The following WDR27 variants were observed in gnomAD, a reference collection of about 807,000 sequenced individuals.
WDR27 encodes the protein WD repeat domain 27.
In WDR27, 100 loss-of-function variants were observed where a neutral mutation model predicts 114.4. The ratio of observed to expected loss-of-function variants is 0.87; its 90% confidence interval spans 0.74 to 1.03. The LOEUF (loss-of-function observed/expected upper bound fraction) is 1.03. Among genes scored for constraint, WDR27 ranks in the 50% least tolerant of loss-of-function variants. The probability of loss-of-function intolerance (pLI) is 0.00; values close to 1 mark genes in which losing one functional copy is unlikely to be tolerated. For synonymous variants in WDR27, 449 were observed against 423.1 expected, an observed-to-expected ratio of 1.06 and a Z score of -0.75; for missense variants, 1,129 against 1,092.9, an observed-to-expected ratio of 1.03 and a Z score of -0.47.
chr6:169,469,515 C>A (rs945581075), intron 25 of WDR27, among the ~76,000 whole-genome samples: 1 of 152,192 alleles, frequency 6.6e-6, no homozygotes, highest in Non-Finnish European at 1.5e-5. Flanking sequence ...TGGTCCCTCC[C>A]AAGGCACTGA....
chr6:169,462,149 C>T (rs931917778), intron 25 of WDR27, among the ~76,000 whole-genome samples: 2 of 151,894 alleles, frequency 1.3e-5, no homozygotes, highest in South Asian at 2.1e-4. Context: ...AAAAAAACTC[C>T]TGATAAAGAA....
At chr6:169,490,377 T>A (rs1789589624) in intron 25 of WDR27, among the ~76,000 whole-genome samples, 1 of 152,218 alleles carries the variant, frequency 6.6e-6, no homozygotes, top group African/African-American at 2.4e-5. Context: ...GGATTGTACA[T>A]GACAAACTAT....
At chr6:169,620,957 C>G (rs915832584) in intron 21 of WDR27, among the ~76,000 whole-genome samples, 2 of 152,190 alleles carry the variant, frequency 1.3e-5, no homozygotes, top group East Asian at 3.9e-4. Flanking sequence ...GTTACCTGGT[C>G]AGCACAGAGC....
At chr6:169,427,820 A>C in the WDR27 span, among the ~76,000 whole-genome samples, 1 of 151,928 alleles carries the variant, frequency 6.6e-6, no homozygotes, top group African/African-American at 2.4e-5. Context: ...AAAAAAAAAA[A>C]AAAAAACCAT....
chr6:169,638,800 C>T (rs1306130558), intron 17 of WDR27, 140 bp from the exon 18 acceptor site: 6 of 1,021,056 alleles, frequency 5.9e-6, no homozygotes, highest in African/African-American at 1.6e-5. Context: ...GAGGCTTCTC[C>T]TCGCCACAGT....
intron 24 of WDR27, among the ~76,000 whole-genome samples, chr6:169,574,805 A>G (rs1005016959): frequency 2.6e-5 from 4 of 152,172 alleles, no homozygotes; most frequent in Admixed American, 2.6e-4. Context: ...ACATCCAGGA[A>G]AGGAGAGCTA....
intron 25 of WDR27, among the ~76,000 whole-genome samples, chr6:169,475,265 A>C (rs573582932): frequency 6.6e-6 from 1 of 152,332 alleles, no homozygotes; most frequent in Admixed American, 6.5e-5. Context: ...TCTTTCACCC[A>C]GGTGGAGTGC....
At chr6:169,444,103 G>A in the WDR27 span, among the ~76,000 whole-genome samples, 1 of 152,106 alleles carries the variant, frequency 6.6e-6, no homozygotes, top group South Asian at 2.1e-4. Context: ...CACGTGTCCA[G>A]ATGGCTTTGC....
intron 25 of WDR27, among the ~76,000 whole-genome samples, chr6:169,500,921 C>T (rs1436464644): frequency 6.6e-6 from 1 of 152,200 alleles, no homozygotes; most frequent in African/African-American, 2.4e-5. Flanking sequence ...TGCTTATGCT[C>T]CCTAGATGTG....
chr6:169,638,734 T>C, intron 17 of WDR27, 74 bp from the exon 18 acceptor site: 1 of 1,511,802 alleles, frequency 6.6e-7, no homozygotes, highest in East Asian at 2.5e-5. Context: ...ACTTATCTGG[T>C]ACTTTCATAC....
At position 169,680,614 on chromosome 6, in the gene WDR27, T is replaced by C. The variant is rs953842385; in HGVS notation, c.189+8203A>G. ...AAAAGAAGATATTTTTCTTATTGTTTAAATATCTTTAAAAGATCCCTGAAT... is the reference window on the plus strand; with the variant it reads ...AAAAGAAGATATTTTTCTTATTGTTCAAATATCTTTAAAAGATCCCTGAAT... On this transcript the variant is annotated intron_variant, in intron 2 of 25. Transcript: ENST00000448612. Among the ~76,000 whole-genome samples the C allele has an allele frequency of 3.3e-5, 5 of 152,216 alleles. No individual in the cohort carries two copies. The East Asian group carries it at 9.6e-4, about 29-fold the overall frequency.
rs1396789826 is a variant in WDR27, at chr6:169,471,316, TC to T, written c.2646-13683del. Reference sequence around the variant, plus strand: ...TGGTTGTTCACAGCCAATCATCATCTCCCACAAGGCCTCAGGTTGGTTCCAA... The same window carrying T: ...TGGTTGTTCACAGCCAATCATCATCTCCACAAGGCCTCAGGTTGGTTCCAA... On this transcript the variant is annotated intron_variant, in intron 25 of 25. Transcript: ENST00000448612. 2.0e-5 allele frequency among the ~76,000 whole-genome samples: 3 copies of T among 152,198 alleles called. No homozygotes were observed. The East Asian group carries it at 5.8e-4, about 30-fold the overall frequency.
chr6:169,483,696 A>AAC (rs1414450982), intron 25 of WDR27, among the ~76,000 whole-genome samples: 23 of 151,212 alleles, frequency 1.5e-4, no homozygotes, highest in Non-Finnish European at 3.1e-4. Flanking sequence ...GGCAAACACA[A>AAC]ACACACACAC....
rs1784406958 is a variant in WDR27, at chr6:169,457,375, T to G, written c.*217A>C. 1 of 422,810 alleles carries G rather than the reference T, an allele frequency of 2.4e-6. No individual in the cohort carries two copies. The highest frequency in any genetic ancestry group is 4.3e-6 in the Non-Finnish European group (1 of 234,464). 26.2% of individuals were successfully genotyped at this position (422,810 alleles called of 1,614,324 possible). ...CTGGACGCCATTTCCATTTTCCCAATGAAGGGGATCCCTTTTGAGGAGCAG... is the reference window on the plus strand; with the variant it reads ...CTGGACGCCATTTCCATTTTCCCAAGGAAGGGGATCCCTTTTGAGGAGCAG... On this transcript the variant is annotated 3_prime_UTR_variant, in exon 26 of 26. Coordinates refer to ENST00000448612, the MANE Select transcript of WDR27 (RefSeq NM_182552.5).
intron 21 of WDR27, among the ~76,000 whole-genome samples, chr6:169,614,603 G>A (rs549142240): frequency 4.0e-5 from 6 of 151,632 alleles, no homozygotes; most frequent in South Asian, 2.1e-4. Context: ...CAGGAGAATC[G>A]CTTCAACCCA....
rs1825242492 is a variant in WDR27, at chr6:169,659,234, T to C, written c.1198-27A>G. On this transcript the variant is annotated intron_variant, in intron 11 of 25. Transcript: ENST00000448612. The surrounding 1 kb of genome is among the most constrained non-coding windows in gnomAD (Gnocchi z 4.3). ...TGCAGGGACGCGGTTTCAACATCGT[T>C]AGCGACACCACCCAGTAAAAGCAGA... The C allele has an allele frequency of 6.4e-7, 1 of 1,573,334 alleles. No homozygotes were observed. The highest frequency in any genetic ancestry group is 8.6e-7 in the Non-Finnish European group (1 of 1,159,646).
At chr6:169,668,391 G>A (rs939798398) in intron 4 of WDR27, among the ~76,000 whole-genome samples, 2 of 152,074 alleles carry the variant, frequency 1.3e-5, no homozygotes, top group African/African-American at 4.8e-5. Context: ...TCTCCCCACC[G>A]GCTGCCCCAT....
chr6:169,641,297 G>GA (rs1273056710), intron 17 of WDR27, among the ~76,000 whole-genome samples: 1 of 152,124 alleles, frequency 6.6e-6, no homozygotes, highest in African/African-American at 2.4e-5. Flanking sequence ...CATCGAAGAC[G>GA]AATCACCGCA....
At chr6:169,689,589 G>GTT (rs1321060410) in intron 1 of WDR27, among the ~76,000 whole-genome samples, 3 of 152,226 alleles carry the variant, frequency 2.0e-5, no homozygotes, top group Non-Finnish European at 4.4e-5. Flanking sequence ...CACTGGCTAT[G>GTT]TTTCGTAAAG....
Sources: gnomAD v4.1 joint callset for allele counts (sites outside exome capture counted in the v4.1 genomes callset) on GRCh38, gnomAD v4.1.1 for gene constraint, Gnocchi (gnomAD v3.1) non-coding constraint, MANE v1.5 for transcripts, NCBI Gene and HGNC (gene_info 2026-07-23, HGNC 2026-07-21) for gene names.